SLC2A12: variants seen among roughly 807,000 people sequenced by gnomAD.
SLC2A12 encodes the protein solute carrier family 2, facilitated glucose transporter member 12.
Under a neutral mutation model 41.8 loss-of-function variants are expected in SLC2A12, and 23 were observed. The ratio of observed to expected loss-of-function variants is 0.55; its 90% CI spans 0.40 to 0.78. SLC2A12 has a LOEUF of 0.78. SLC2A12 is among the 30% of genes least tolerant of loss of function. The pLI, the probability that SLC2A12 is intolerant of heterozygous loss-of-function variation, is 0.00. For synonymous variants in SLC2A12, 295 were observed against 285.9 expected, an observed-to-expected ratio of 1.03 and a Z score of -0.32; for missense variants, 654 against 745.6, an observed-to-expected ratio of 0.88 and a Z score of 1.43.
intron 3 of SLC2A12, among the ~76,000 whole-genome samples, chr6:134,003,828 A>G (rs1384846996): frequency 6.6e-6 from 1 of 152,202 alleles, no homozygotes; most frequent in African/African-American, 2.4e-5. Context: ...TGCAGAGTAC[A>G]TTTGTCTATC....
chr6:133,991,293 G>A lies in SLC2A12; in HGVS notation c.1716C>T (p.Asn572=), dbSNP rs1365463828. The change falls in exon 5 of 5, where the codon AAC becomes AAT. Residue 572 remains asparagine (N), a synonymous_variant. Transcript: ENST00000275230. ...MELAKVNYVK[N]NICFMSHHQE... is the part of the protein sequence containing the mutation. The stretch of plus-strand genomic sequence containing the variant: ...GGTGATGACTCATAAAACAAATGTT[G>A]TTTTTCACATAGTTCCTGAAAGAGA... 2 of 1,612,786 alleles carry A rather than the reference G, an allele frequency of 1.2e-6. No homozygotes were observed. The highest frequency in any genetic ancestry group is 1.1e-5 in the South Asian group (1 of 90,730).
chr6:134,041,483 CA>C (rs1193304711), intron 1 of SLC2A12, among the ~76,000 whole-genome samples: 2 of 147,096 alleles, frequency 1.4e-5, no homozygotes, highest in Non-Finnish European at 3.0e-5. Flanking sequence ...TTGTGTCAAA[CA>C]AAAAAAAAGA....
intron 1 of SLC2A12, among the ~76,000 whole-genome samples, chr6:134,040,632 C>G (rs1777370004): frequency 6.6e-6 from 1 of 152,154 alleles, no homozygotes; most frequent in African/African-American, 2.4e-5. Flanking sequence ...AATTACGTTC[C>G]CTCACAACCA....
Position 134,002,118 on chromosome 6 carries a change from G to A in SLC2A12, c.1579C>T (p.Leu527=), listed in dbSNP as rs1485528442. The A allele has an allele frequency of 6.3e-7, 1 of 1,595,490 alleles. No individual in the cohort carries two copies. Among genetic ancestry groups the A allele is most frequent in the Admixed American group, 1.8e-5 (1 of 54,754 alleles). The stretch of plus-strand genomic sequence containing the variant: ...GTATATATAAAGCACACCCATGGCA[G>A]GCCAATAAGATCTATAAAGGACAAA... ...TFLTVTDLIG[L]PWVCFIYTIM... Residue 527 remains leucine, a synonymous_variant, in exon 4 of 5, where the codon CTG becomes TTG. Transcript: ENST00000275230.
chr6:134,036,141 T>C (rs1777295238), intron 1 of SLC2A12, among the ~76,000 whole-genome samples: 2 of 152,252 alleles, frequency 1.3e-5, no homozygotes, highest in Non-Finnish European at 2.9e-5. Context: ...TACAGCCAGC[T>C]GAAAAGCATG....
At position 133,989,641 on chromosome 6, in the gene SLC2A12, TATACAG is replaced by T. The variant is rs1776592086; in HGVS notation, c.*1508_*1513del. 1 of 152,234 alleles carries T rather than the reference TATACAG, an allele frequency of 6.6e-6. No individual in the cohort carries two copies. The highest frequency in any genetic ancestry group is 1.5e-5 in the Non-Finnish European group (1 of 68,032). 9.4% of individuals were successfully genotyped at this position (152,234 alleles called of 1,614,324 possible). ...CTTTTAGCTTCCCCCTGCCAATTTT[TATACAG>T]ATAATACACTGCAGATCCAGGCCTT... is the stretch of plus-strand genomic sequence containing the variant. On this transcript the variant is annotated 3_prime_UTR_variant, in exon 5 of 5. Transcript: ENST00000275230.
At chr6:134,008,597 G>T (rs1245958975) in intron 2 of SLC2A12, among the ~76,000 whole-genome samples, 1 of 152,122 alleles carries the variant, frequency 6.6e-6, no homozygotes. Context: ...CTTTTAATGA[G>T]ACCAGTTTAG....
chr6:134,013,817 A>T (rs1292102224), intron 2 of SLC2A12, among the ~76,000 whole-genome samples: 2 of 152,244 alleles, frequency 1.3e-5, no homozygotes, highest in Non-Finnish European at 2.9e-5. Context: ...ATTTTTGAAC[A>T]GCTACACCAA....
chr6:134,046,266 T>C (rs1777453434), intron 1 of SLC2A12, among the ~76,000 whole-genome samples: 1 of 152,206 alleles, frequency 6.6e-6, no homozygotes, highest in South Asian at 2.1e-4. Flanking sequence ...CAGACCTGAG[T>C]CATGAGTTGT....
intron 4 of SLC2A12, among the ~76,000 whole-genome samples, chr6:133,997,856 G>A (rs1339084515): frequency 6.6e-6 from 1 of 151,984 alleles, no homozygotes; most frequent in Non-Finnish European, 1.5e-5. Flanking sequence ...CTCAGTATTG[G>A]GCTTCCTCAT....
At chr6:134,021,337 T>C (rs1016784067) in intron 2 of SLC2A12, among the ~76,000 whole-genome samples, 1 of 152,208 alleles carries the variant, frequency 6.6e-6, no homozygotes, top group African/African-American at 2.4e-5. Context: ...TAAACCAGCA[T>C]GATTTTTAAA....
At chr6:134,043,688 A>G (rs1314516507) in intron 1 of SLC2A12, among the ~76,000 whole-genome samples, 2 of 150,202 alleles carry the variant, frequency 1.3e-5, no homozygotes, top group Non-Finnish European at 3.0e-5. Context: ...GCTGCTTGGG[A>G]GGCTGAGGCA....
rs1562672499 is a variant in SLC2A12 at position 133,991,081 on chromosome 6, G to GC, written c.*73dup. ...ACACTGAAAAGAGAGCACAGGAGTCGCAACTATGCATTGGTCCAAAGACAC... is the reference window on the plus strand; with the variant it reads ...ACACTGAAAAGAGAGCACAGGAGTCGCCAACTATGCATTGGTCCAAAGACAC... On this transcript the variant is annotated 3_prime_UTR_variant, in exon 5 of 5. Transcript: ENST00000275230. The GC allele has an allele frequency of 1.8e-5, 27 of 1,483,972 alleles. No homozygotes were observed. The allele number at this position is 1,483,972 out of a possible 1,614,324, so 91.9% of individuals were successfully genotyped here.
At chr6:134,048,204 C>A (rs535585176) in intron 1 of SLC2A12, among the ~76,000 whole-genome samples, 5 of 152,168 alleles carry the variant, frequency 3.3e-5, no homozygotes, top group Non-Finnish European at 5.9e-5. Flanking sequence ...CACAGAGATA[C>A]GCTGACTGGA....
chr6:134,025,735 G>A (rs145247852), intron 2 of SLC2A12, among the ~76,000 whole-genome samples: 245 of 152,066 alleles, frequency 1.6e-3, no homozygotes, highest in African/African-American at 5.5e-3. Flanking sequence ...TAGTAGAGAC[G>A]GGGTTTTCAC....
At chr6:134,014,338 T>C (rs761274080) in intron 2 of SLC2A12, among the ~76,000 whole-genome samples, 15 of 152,112 alleles carry the variant, frequency 9.9e-5, no homozygotes, top group Admixed American at 2.0e-4. Context: ...GCAGCCGGGT[T>C]CCTAACAGGC....
In SLC2A12 at chr6:134,002,123, A is replaced by G. The variant is rs779766411; in HGVS notation, c.1574T>C (p.Ile525Thr). ...SLTFLTVTDL[I>T]GLPWVCFIYT... is the part of the protein sequence containing the mutation. Reference sequence around the variant, plus strand: ...TATAAAGCACACCCATGGCAGGCCAATAAGATCTATAAAGGACAAAAGAAA... The same window carrying G: ...TATAAAGCACACCCATGGCAGGCCAGTAAGATCTATAAAGGACAAAAGAAA... The change falls in exon 4 of 5, where the codon ATT (isoleucine) becomes ACT (threonine). Residue 525 changes from isoleucine to threonine, a missense_variant. Transcript: ENST00000275230. 6.3e-7 allele frequency: 1 copy of G among 1,593,184 alleles called. No individual in the cohort carries two copies. The highest frequency in any genetic ancestry group is 8.5e-7 in the Non-Finnish European group (1 of 1,174,012).
chr6:133,997,473 C>T (rs1469542153), intron 4 of SLC2A12, among the ~76,000 whole-genome samples: 1 of 152,036 alleles, frequency 6.6e-6, no homozygotes, highest in Non-Finnish European at 1.5e-5. Flanking sequence ...ACTACACAGC[C>T]GTCAAAAAGA....
intron 2 of SLC2A12, among the ~76,000 whole-genome samples, chr6:134,010,310 G>T (rs1356411603): frequency 6.6e-6 from 1 of 152,098 alleles, no homozygotes; most frequent in Non-Finnish European, 1.5e-5. Context: ...AAAAGTAGTG[G>T]CTCTCTCTGG....
Sources: gnomAD v4.1 joint callset for allele counts (sites outside exome capture counted in the v4.1 genomes callset) on GRCh38, gnomAD v4.1.1 for gene constraint, MANE v1.5 for transcripts, NCBI Gene and HGNC (gene_info 2026-07-23, HGNC 2026-07-21) for gene names.